The following PKHD1 variants were observed in gnomAD, a reference collection of about 807,000 sequenced individuals.
The protein encoded by PKHD1 is PKHD1 ciliary IPT domain containing fibrocystin/polyductin, also known as fibrocystin.
PKHD1 carries 291 observed loss-of-function variants against 412.0 expected under a neutral mutation model. That is an observed-to-expected ratio of 0.71 (90% CI 0.64 to 0.78). PKHD1 has a LOEUF of 0.78. Among genes scored for constraint, PKHD1 ranks in the 30% least tolerant of loss-of-function variants. PKHD1 has a pLI of 0.00. For synonymous variants in PKHD1, 1,777 were observed against 1,821.5 expected, an observed-to-expected ratio of 0.98 and a Z score of 0.62; for missense variants, 4,825 against 4,950.7, an observed-to-expected ratio of 0.97 and a Z score of 0.76.
chr6:51,840,150 C>A lies in PKHD1; in HGVS notation c.8108-3681G>T, dbSNP rs114871320. ...CCTGCTCAGTGAATTTGACCTCATT[C>A]CTCAGAAGCTGACCTCTTTGGCTTA... On this transcript the variant is annotated intron_variant, in intron 50 of 66. Coordinates refer to ENST00000371117, the MANE Select transcript of PKHD1 (RefSeq NM_138694.4). Among the ~76,000 whole-genome samples, 1,043 of 152,178 alleles carry A rather than the reference C, an allele frequency of 6.9e-3. 6 individuals carry two copies. Among genetic ancestry groups the A allele is most frequent in the Non-Finnish European group, 0.011 (778 of 68,004 alleles).
At chr6:51,826,269 A>G (rs1767297094) in intron 52 of PKHD1, among the ~76,000 whole-genome samples, 1 of 152,214 alleles carries the variant, frequency 6.6e-6, no homozygotes, top group African/African-American at 2.4e-5. Context: ...AATCAGAACA[A>G]ACAGAAGAGC....
At chr6:52,029,527 C>T (rs1005557933) in intron 29 of PKHD1, among the ~76,000 whole-genome samples, 1 of 152,016 alleles carries the variant, frequency 6.6e-6, no homozygotes, top group African/African-American at 2.4e-5. Flanking sequence ...CAAATCAGAG[C>T]AACATTATGA....
intron 35 of PKHD1, among the ~76,000 whole-genome samples, chr6:51,989,973 A>AGGGAGGG (rs1461231273): frequency 9.1e-6 from 1 of 109,436 alleles, no homozygotes; most frequent in Non-Finnish European, 2.0e-5. Flanking sequence ...GGAAGGAAGG[A>AGGGAGGG]AGGAAGGAAG....
intron 60 of PKHD1, among the ~76,000 whole-genome samples, chr6:51,705,684 A>G (rs189918634): frequency 6.6e-6 from 1 of 152,264 alleles, no homozygotes; most frequent in African/African-American, 2.4e-5. Context: ...TGGACCTTAA[A>G]GGCTTTTTAC....
At chr6:51,798,757 T>C (rs1420045990) in intron 52 of PKHD1, among the ~76,000 whole-genome samples, 3 of 152,002 alleles carry the variant, frequency 2.0e-5, no homozygotes, top group Non-Finnish European at 4.4e-5. Flanking sequence ...AAAGCAAGAG[T>C]TTTATACAAA....
chr6:51,625,530 T>C (rs1377865267), intron 66 of PKHD1, among the ~76,000 whole-genome samples: 1 of 152,170 alleles, frequency 6.6e-6, no homozygotes, highest in Non-Finnish European at 1.5e-5. Flanking sequence ...TATGTCCTAA[T>C]AAAATGGCCT....
At chr6:51,691,450 A>C (rs1004760043) in intron 60 of PKHD1, among the ~76,000 whole-genome samples, 3 of 152,198 alleles carry the variant, frequency 2.0e-5, no homozygotes, top group Non-Finnish European at 2.9e-5. Flanking sequence ...TGTGGTACAT[A>C]TATACCATGG....
chr6:52,007,816 G>A (rs919970245), intron 35 of PKHD1, among the ~76,000 whole-genome samples: 1 of 152,194 alleles, frequency 6.6e-6, no homozygotes, highest in Non-Finnish European at 1.5e-5. Flanking sequence ...AGGCCACTGT[G>A]TGCCAGCCAT....
In PKHD1 at chr6:51,617,875, T is replaced by C. The variant is rs770116651; in HGVS notation, c.*1206A>G. 1.3e-5 allele frequency: 2 copies of C among 152,178 alleles called. No individual in the cohort carries two copies. Among genetic ancestry groups the C allele is most frequent in the South Asian group, 2.1e-4 (1 of 4,824 alleles). The allele number at this position is 152,178 out of a possible 1,614,324, so 9.4% of individuals were successfully genotyped here. On this transcript the variant is annotated 3_prime_UTR_variant, in exon 67 of 67. Coordinates refer to ENST00000371117, the MANE Select transcript of PKHD1 (RefSeq NM_138694.4). ...CAACAACCCCTTAACATTGTAGAGA[T>C]TGGAAAATCCTGGTTTTCAGGATTT...
At chr6:51,718,363 A>G (rs1174024166) in intron 60 of PKHD1, among the ~76,000 whole-genome samples, 1 of 152,212 alleles carries the variant, frequency 6.6e-6, no homozygotes, top group Non-Finnish European at 1.5e-5. Context: ...AGAAACCTTA[A>G]GCACACTTAT....
At chr6:51,719,009 T>C (rs1334663538) in intron 60 of PKHD1, among the ~76,000 whole-genome samples, 1 of 152,132 alleles carries the variant, frequency 6.6e-6, no homozygotes, top group Non-Finnish European at 1.5e-5. Flanking sequence ...CCACACAGGC[T>C]TGGGAACAAC....
chr6:51,729,669 C>T (rs1289342556), intron 60 of PKHD1, among the ~76,000 whole-genome samples: 2 of 152,052 alleles, frequency 1.3e-5, no homozygotes, highest in East Asian at 1.9e-4. Context: ...TATTTGAGAA[C>T]GAAGTTTGAG....
At position 51,659,648 on chromosome 6, in the gene PKHD1, T is replaced by C; in HGVS notation, c.10478A>G (p.Lys3493Arg). ...ATGGTAGAATACAGCCAAGAGAAGC[T>C]TGGAGGTACTTTTGTTCCCCAATAG... ...FFLLGNKSTS[K>R]LLLAVFYHEL... Residue 3493 changes from lysine (K) to arginine (R), a missense_variant, in exon 61 of 67, where the codon AAG becomes AGG. Coordinates refer to ENST00000371117, the MANE Select transcript of PKHD1 (RefSeq NM_138694.4). The C allele has an allele frequency of 1.9e-6, 3 of 1,613,784 alleles. No individual in the cohort carries two copies. The highest frequency in any genetic ancestry group is 2.5e-6 in the Non-Finnish European group (3 of 1,179,836).
intron 60 of PKHD1, among the ~76,000 whole-genome samples, chr6:51,692,169 T>C (rs1778243010): frequency 6.6e-6 from 1 of 152,022 alleles, no homozygotes; most frequent in Non-Finnish European, 1.5e-5. Context: ...CATGTTCACA[T>C]TGAAAATCCC....
At chr6:51,801,486 G>C (rs894256613) in intron 52 of PKHD1, among the ~76,000 whole-genome samples, 2 of 149,882 alleles carry the variant, frequency 1.3e-5, no homozygotes, top group Admixed American at 6.8e-5. Context: ...AATCCACACA[G>C]GTGGTTTCTT....
intron 36 of PKHD1, among the ~76,000 whole-genome samples, chr6:51,957,106 T>A (rs1315570039): frequency 1.3e-5 from 2 of 152,052 alleles, no homozygotes; most frequent in Admixed American, 1.3e-4. Context: ...CAGAGGTGGG[T>A]GGTTGAATGC....
Position 51,887,114 on chromosome 6 carries a change from T to C in PKHD1, c.7109+19A>G, listed in dbSNP as rs375875942. 18 of 1,454,198 alleles carry C rather than the reference T, an allele frequency of 1.2e-5. No individual in the cohort carries two copies. In the African/African-American group the frequency reaches 1.9e-4, roughly 16 times the overall value. The allele number at this position is 1,454,198 out of a possible 1,614,324, so 90.1% of individuals were successfully genotyped here. A position where few individuals can be genotyped will look rare whatever the true frequency, so the allele number is the denominator to read the frequency against. ...AATCATAAGACAGCCAAAACATAGA[T>C]GAATTTCCCCAAAGTTACCTGGTAC... On this transcript the variant is annotated intron_variant, in intron 44 of 66. Coordinates refer to ENST00000371117, the MANE Select transcript of PKHD1 (RefSeq NM_138694.4).
rs150329979 is a variant in PKHD1 at position 51,856,743 on chromosome 6, G to T, written c.7734-673C>A. 1.4e-3 allele frequency among the ~76,000 whole-genome samples: 220 copies of T among 152,296 alleles called. 1 individual carries two copies. Among genetic ancestry groups the T allele is most frequent in the African/African-American group, 5.1e-3 (212 of 41,552 alleles). On this transcript the variant is annotated intron_variant, in intron 48 of 66. Transcript: ENST00000371117. ...ATGCCTAGTACTCACTGCTATTACA[G>T]TACCTATGTGTTCTTGGCTTTGCCT... is the stretch of plus-strand genomic sequence containing the variant.
intron 62 of PKHD1, among the ~76,000 whole-genome samples, chr6:51,648,450 G>A (rs73440945): frequency 0.04 from 6,057 of 152,202 alleles, 426 homozygotes; most frequent in African/African-American, 0.14. Flanking sequence ...AGAGAGCTGG[G>A]TGAGTGCCAG....
Sources: gnomAD v4.1 joint callset for allele counts (sites outside exome capture counted in the v4.1 genomes callset) on GRCh38, gnomAD v4.1.1 for gene constraint, MANE v1.5 for transcripts, NCBI Gene and HGNC (gene_info 2026-07-23, HGNC 2026-07-21) for gene names.